Variants in ACSF3 observed in about 807,000 individuals in gnomAD.
ACSF3 encodes the protein malonate--CoA ligase ACSF3, mitochondrial.
ACSF3 carries 78 observed loss-of-function variants against 53.2 expected under a neutral mutation model. The ratio of observed to expected loss-of-function variants is 1.47; its 90% CI spans 1.22 to 1.77. The LOEUF (loss-of-function observed/expected upper bound fraction) is 1.77. Among genes scored for constraint, ACSF3 ranks in the 40% most tolerant of loss-of-function variants. The pLI, the probability that ACSF3 is intolerant of heterozygous loss-of-function variation, is 0.00. For synonymous variants in ACSF3, 414 were observed against 333.1 expected (o/e 1.24, Z -2.65); for missense variants, 937 against 771.1 (o/e 1.22, Z -2.55).
Position 89,112,066 on chromosome 16 carries a change from T to C in ACSF3, c.823-26T>C, listed in dbSNP as rs9921293. 309 of 522,026 alleles carry C rather than the reference T, an allele frequency of 5.9e-4. 1 individual carries two copies. Among genetic ancestry groups the C allele is most frequent in the African/African-American group, 1.8e-3 (35 of 19,754 alleles). The allele number at this position is 522,026 out of a possible 1,614,324, so 32.3% of individuals were successfully genotyped here. A position where few individuals can be genotyped will look rare whatever the true frequency, so the allele number is the denominator to read the frequency against. ...GGGCCCCAGTGCCTGCTCATCTTCC[T>C]ACCGAGTGCTTCCTTTCCTTCGTAG... On this transcript the variant is annotated intron_variant, in intron 4 of 10. Coordinates refer to ENST00000614302, the MANE Select transcript of ACSF3 (RefSeq NM_001243279.3).
rs1307415970 is a variant in ACSF3, at chr16:89,101,254, A to T, written c.573A>T (p.Gly191=). The T allele has an allele frequency of 9.4e-6, 15 of 1,601,540 alleles. No individual in the cohort carries two copies. Among genetic ancestry groups the T allele is most frequent in the Non-Finnish European group, 1.2e-5 (14 of 1,174,564 alleles). Residue 191 remains glycine (G), a synonymous_variant, in exon 3 of 11, where the codon GGA becomes GGT. Coordinates refer to ENST00000614302, the MANE Select transcript of ACSF3 (RefSeq NM_001243279.3). ...EPAEVPVPEQ[G]WRNKGAMIIY... is the part of the protein sequence containing the mutation. ...CAGAGGTCCCGGTCCCAGAGCAGGG[A>T]TGGAGGAACAAGGGCGCCATGATCA...
At chr16:89,136,480 G>C (rs577392521) in intron 8 of ACSF3, 3 of 1,208,896 alleles carry the variant, frequency 2.5e-6, no homozygotes, top group South Asian at 2.9e-5. Flanking sequence ...CACAGCTGCC[G>C]CTCCTGCCGG....
chr16:89,123,830 G>A (rs1036109499), intron 7 of ACSF3, among the ~76,000 whole-genome samples: 9 of 152,278 alleles, frequency 5.9e-5, no homozygotes, highest in African/African-American at 1.9e-4. Context: ...CAGGCCCAGG[G>A]CTCAGCCTCC....
Position 89,147,200 on chromosome 16 carries a change from T to A in ACSF3, c.1613+1151T>A, listed in dbSNP as rs116572593. Among the ~76,000 whole-genome samples, 133 of 22,764 alleles carry A rather than the reference T, an allele frequency of 5.8e-3. 4 individuals are homozygous for A. Among genetic ancestry groups the A allele is most frequent in the African/African-American group, 0.021 (128 of 6,214 alleles). 14.9% of individuals were successfully genotyped at this position (22,764 alleles called of 152,430 possible). A position where few individuals can be genotyped will look rare whatever the true frequency, so the allele number is the denominator to read the frequency against. On this transcript the variant is annotated intron_variant, in intron 10 of 10. Transcript: ENST00000614302. ...ACAGAGGGAGGGAGGGTCCACAGAGTGAGTGAGAGAGGAGGGAGGGTCCAC... is the reference window on the plus strand; with the variant it reads ...ACAGAGGGAGGGAGGGTCCACAGAGAGAGTGAGAGAGGAGGGAGGGTCCAC...
At chr16:89,100,587 T>G (rs1279965318) in intron 2 of ACSF3, 75 bp from the exon 3 acceptor site, 7 of 1,394,406 alleles carry the variant, frequency 5.0e-6, no homozygotes, top group East Asian at 2.4e-5. Context: ...ACTGGGGAGG[T>G]GTTTTAAATC....
intron 6 of ACSF3, among the ~76,000 whole-genome samples, chr16:89,117,713 C>T (rs925536764): frequency 1.2e-4 from 18 of 152,120 alleles, no homozygotes; most frequent in Admixed American, 5.9e-4. Context: ...GCCCAGAGAC[C>T]CAGGGGAGGC....
intron 7 of ACSF3, among the ~76,000 whole-genome samples, chr16:89,128,191 A>G (rs1908536589): frequency 6.6e-6 from 1 of 151,376 alleles, no homozygotes; most frequent in Non-Finnish European, 1.5e-5. Context: ...TTAATGACGT[A>G]CGTTGCCCTT....
chr16:89,143,628 G>A (rs879593188), intron 8 of ACSF3, among the ~76,000 whole-genome samples: 12 of 152,128 alleles, frequency 7.9e-5, no homozygotes, highest in East Asian at 1.9e-4. Context: ...CGGGTCCCAC[G>A]GGACTTGGGA....
At chr16:89,146,104 T>C in intron 10 of ACSF3, 55 bp downstream of exon 10, 1 of 1,301,456 alleles carries the variant, frequency 7.7e-7, no homozygotes, top group East Asian at 2.3e-5. Context: ...GGGTCCAGTC[T>C]TGAGGGCCAC....
chr16:89,154,835 G>T lies in ACSF3; in HGVS notation c.*628G>T, dbSNP rs1477245567. 5 of 454,022 alleles carry T rather than the reference G, an allele frequency of 1.1e-5. No homozygotes were observed. The East Asian group carries it at 2.8e-4, about 25-fold the overall frequency. The allele number at this position is 454,022 out of a possible 1,614,324, so 28.1% of individuals were successfully genotyped here. ...CACTACTGTGTGTCCATCAGCATGT[G>T]TCACAGAAAGTGCGTGGACGGATGG... On this transcript the variant is annotated 3_prime_UTR_variant, in exon 11 of 11. Coordinates refer to ENST00000614302, the MANE Select transcript of ACSF3 (RefSeq NM_001243279.3).
intron 7 of ACSF3, among the ~76,000 whole-genome samples, chr16:89,121,526 A>G (rs1191855086): frequency 6.6e-6 from 1 of 152,244 alleles, no homozygotes; most frequent in Non-Finnish European, 1.5e-5. Context: ...TCTGCTCATC[A>G]CACGTGAACT....
intron 4 of ACSF3, among the ~76,000 whole-genome samples, chr16:89,111,580 G>T (rs117435455): frequency 6.6e-6 from 1 of 152,268 alleles, no homozygotes; most frequent in Non-Finnish European, 1.5e-5. Context: ...TATGGGCGAC[G>T]CGAGAACCCG....
At chr16:89,152,324 A>G (rs1178391982) in intron 10 of ACSF3, 1 of 152,264 alleles carries the variant, frequency 6.6e-6, no homozygotes, top group Non-Finnish European at 1.5e-5. Context: ...AGATTCCCAC[A>G]CAGGCCAGGC....
chr16:89,154,019 G>T (rs1914431107), intron 10 of ACSF3, 71 bp from the exon 11 acceptor site: 17 of 1,513,344 alleles, frequency 1.1e-5, no homozygotes, highest in Non-Finnish European at 1.4e-5. Flanking sequence ...TGTCCGTACT[G>T]CTGGGCGCCT....
At chr16:89,141,035 G>T (rs1168809960) in intron 8 of ACSF3, 1 of 1,251,194 alleles carries the variant, frequency 8.0e-7, no homozygotes, top group Admixed American at 2.5e-5. Context: ...GAAAGTAAAG[G>T]TTATTTAACT....
At chr16:89,132,915 A>G (rs946795715) in intron 7 of ACSF3, among the ~76,000 whole-genome samples, 2 of 152,254 alleles carry the variant, frequency 1.3e-5, no homozygotes, top group African/African-American at 2.4e-5. Context: ...CGGCCAGGGC[A>G]CCAGGGCCCA....
chr16:89,138,223 G>A (rs1911024677), intron 8 of ACSF3, among the ~76,000 whole-genome samples: 1 of 152,210 alleles, frequency 6.6e-6, no homozygotes, highest in African/African-American at 2.4e-5. Context: ...CGAGGTGGAC[G>A]CTGAGCCCCA....
intron 4 of ACSF3, 91 bp downstream of exon 4, chr16:89,102,850 A>G (rs1301773071): frequency 7.1e-6 from 11 of 1,550,766 alleles, no homozygotes; most frequent in Non-Finnish European, 9.6e-6. Flanking sequence ...CCTCAGCCTA[A>G]GCGCCTTTCG....
At chr16:89,123,422 T>G (rs1270098466) in intron 7 of ACSF3, among the ~76,000 whole-genome samples, 1 of 152,194 alleles carries the variant, frequency 6.6e-6, no homozygotes, top group Non-Finnish European at 1.5e-5. Context: ...GCAGTAGCCC[T>G]TCTCTCCACA....
Sources: allele counts gnomAD v4.1 joint callset (sites outside exome capture counted in the v4.1 genomes callset), GRCh38; gene constraint gnomAD v4.1.1; transcripts MANE v1.5; gene names NCBI Gene and HGNC (gene_info 2026-07-23, HGNC 2026-07-21).